Variants in PDE1C observed in about 807,000 individuals in gnomAD.
PDE1C encodes the protein phosphodiesterase 1C, also known as dual specificity calcium/calmodulin-dependent 3',5'-cyclic nucleotide phosphodiesterase 1C.
A neutral mutation model predicts 93.1 loss-of-function variants in PDE1C; 62 were observed. The observed-to-expected ratio is 0.67, with a 90% CI of 0.54 to 0.82. The LOEUF (loss-of-function observed/expected upper bound fraction) is 0.82, where lower values mean the gene tolerates loss of function less well. Among genes scored for constraint, PDE1C ranks in the 40% least tolerant of loss-of-function variants. The pLI is 0.00. For missense variants in PDE1C, 742 were observed against 884.6 expected (o/e 0.84, Z 2.04); for synonymous variants, 325 against 310.1 (o/e 1.05, Z -0.50).
chr7:31,635,441 A>T, the PDE1C span, among the ~76,000 whole-genome samples: 1 of 152,224 alleles, frequency 6.6e-6, no homozygotes, highest in South Asian at 2.1e-4. Context: ...ACTATGCCCA[A>T]TTCCACCATT....
intron 2 of PDE1C, among the ~76,000 whole-genome samples, chr7:32,180,696 T>G (rs539207994): frequency 6.6e-6 from 1 of 152,238 alleles, no homozygotes; most frequent in Non-Finnish European, 1.5e-5. Flanking sequence ...TATTTTATTA[T>G]AGCAACACAA....
At chr7:32,404,067 G>A (rs946405038) in intron 1 of PDE1C, among the ~76,000 whole-genome samples, 2 of 152,084 alleles carry the variant, frequency 1.3e-5, no homozygotes, top group Admixed American at 6.5e-5. Context: ...CCTGGGCTTC[G>A]AAGTGAACTG....
chr7:31,682,135 A>T, the PDE1C span, among the ~76,000 whole-genome samples: 1 of 152,282 alleles, frequency 6.6e-6, no homozygotes, highest in African/African-American at 2.4e-5. Context: ...AATAGTACCT[A>T]CCTCATAGGA....
chr7:32,250,174 C>T (rs1337987552), intron 1 of PDE1C, among the ~76,000 whole-genome samples: 1 of 152,152 alleles, frequency 6.6e-6, no homozygotes, highest in African/African-American at 2.4e-5. Flanking sequence ...GCCTGCCTGC[C>T]AAGCACTGTG....
intron 2 of PDE1C, among the ~76,000 whole-genome samples, chr7:31,889,660 G>A (rs532456537): frequency 6.6e-6 from 1 of 152,302 alleles, no homozygotes; most frequent in Non-Finnish European, 1.5e-5. Flanking sequence ...TTGTGGGTGT[G>A]AGAGTATGTG....
At chr7:31,853,804 G>T (rs1211775298) in intron 7 of PDE1C, among the ~76,000 whole-genome samples, 1 of 151,812 alleles carries the variant, frequency 6.6e-6, no homozygotes, top group Admixed American at 6.6e-5. Flanking sequence ...CTGCCCCCAG[G>T]GCTCAAGCAA....
chr7:32,387,780 G>A (rs1432033326), intron 1 of PDE1C, among the ~76,000 whole-genome samples: 2 of 143,210 alleles, frequency 1.4e-5, no homozygotes, highest in Non-Finnish European at 3.0e-5. Flanking sequence ...CTCACCTCCC[G>A]GACGGGGCGG....
chr7:31,810,670 C>T (rs1249715105), intron 15 of PDE1C, among the ~76,000 whole-genome samples: 2 of 152,024 alleles, frequency 1.3e-5, no homozygotes, highest in African/African-American at 4.8e-5. Flanking sequence ...ATGGACTGCC[C>T]ACACATACAT....
intron 6 of PDE1C, among the ~76,000 whole-genome samples, chr7:31,872,073 G>A (rs1296986379): frequency 6.6e-6 from 1 of 152,066 alleles, no homozygotes; most frequent in Non-Finnish European, 1.5e-5. Context: ...GTCATTTGCA[G>A]CAACATGGAT....
intron 2 of PDE1C, among the ~76,000 whole-genome samples, chr7:31,998,303 G>A (rs1014045450): frequency 6.6e-6 from 1 of 152,156 alleles, no homozygotes; most frequent in Non-Finnish European, 1.5e-5. Flanking sequence ...ACAAGTGTGA[G>A]CCACCACACC....
At chr7:32,174,585 G>A (rs1217224402) in intron 2 of PDE1C, among the ~76,000 whole-genome samples, 3 of 152,218 alleles carry the variant, frequency 2.0e-5, no homozygotes, top group Non-Finnish European at 4.4e-5. Context: ...AGCAGCTCCT[G>A]AGGCTGGGAC....
chr7:31,646,764 G>C, the PDE1C span, among the ~76,000 whole-genome samples: 3 of 152,202 alleles, frequency 2.0e-5, no homozygotes, highest in African/African-American at 7.2e-5. Flanking sequence ...TCAGACGTGG[G>C]TAGATTTTAA....
At chr7:31,940,974 T>C (rs1008558037) in intron 2 of PDE1C, among the ~76,000 whole-genome samples, 4 of 151,728 alleles carry the variant, frequency 2.6e-5, no homozygotes, top group African/African-American at 9.7e-5. Context: ...CACACACAAA[T>C]AGGAAATCTA....
intron 16 of PDE1C, among the ~76,000 whole-genome samples, chr7:31,802,527 TG>T (rs1218797088): frequency 1.3e-5 from 2 of 151,710 alleles, no homozygotes; most frequent in Admixed American, 6.6e-5. Context: ...TTCATTCTTT[TG>T]TACAGATCTA....
At chr7:32,020,996 C>T (rs191216543) in intron 2 of PDE1C, among the ~76,000 whole-genome samples, 25 of 152,192 alleles carry the variant, frequency 1.6e-4, no homozygotes, top group East Asian at 1.2e-3. Context: ...GAGAGAAATG[C>T]CACAGTGCTA....
chr7:32,405,025 T>C (rs1785023493), intron 1 of PDE1C, among the ~76,000 whole-genome samples: 1 of 152,144 alleles, frequency 6.6e-6, no homozygotes, highest in Admixed American at 6.5e-5. Flanking sequence ...GTGGAATGTG[T>C]GGAGCCTGGG....
At chr7:32,289,982 G>C (rs1278657909) in intron 1 of PDE1C, among the ~76,000 whole-genome samples, 1 of 152,128 alleles carries the variant, frequency 6.6e-6, no homozygotes, top group Non-Finnish European at 1.5e-5. Context: ...CAGAGTCTTG[G>C]GTGCTTTGGA....
intron 3 of PDE1C, among the ~76,000 whole-genome samples, chr7:32,144,304 C>A (rs1800700174): frequency 1.3e-5 from 2 of 152,124 alleles, no homozygotes; most frequent in Non-Finnish European, 2.9e-5. Flanking sequence ...GCATTTTCCC[C>A]AGGGTGCAAC....
intron 11 of PDE1C, 83 bp from the exon 12 acceptor site, chr7:31,828,456 G>A (rs778810048): frequency 4.1e-5 from 35 of 851,792 alleles, no homozygotes; most frequent in Non-Finnish European, 5.9e-5. Context: ...TGCCGCCACG[G>A]AGGCCACTGG....
Sources: gnomAD v4.1 joint callset for allele counts (sites outside exome capture counted in the v4.1 genomes callset) on GRCh38, gnomAD v4.1.1 for gene constraint, MANE v1.5 for transcripts, NCBI Gene and HGNC (gene_info 2026-07-23, HGNC 2026-07-21) for gene names.